Variants in EPHA1 observed in about 807,000 individuals in gnomAD.
EPHA1 encodes ephrin type-A receptor 1.
EPHA1 carries 92 observed loss-of-function variants against 110.1 expected under a neutral mutation model. The ratio of observed to expected loss-of-function variants is 0.84; its 90% CI spans 0.71 to 0.99. The LOEUF (loss-of-function observed/expected upper bound fraction) is 0.99. Ranked by LOEUF, EPHA1 falls within the 50% of genes least tolerant of loss-of-function variation. EPHA1 has a pLI of 0.00. For missense variants in EPHA1, 1,204 were observed against 1,285.4 expected, an observed-to-expected ratio of 0.94 and a Z score of 0.97; for synonymous variants, 500 against 516.1, an observed-to-expected ratio of 0.97 and a Z score of 0.42.
rs1172270169 is a variant in EPHA1, at chr7:143,400,145, CA to C, written c.433-93del. 3.6e-6 allele frequency: 5 copies of C among 1,403,082 alleles called. No individual in the cohort carries two copies. In the African/African-American group the frequency reaches 4.3e-5, roughly 12 times the overall value. 86.9% of individuals were successfully genotyped at this position (1,403,082 alleles called of 1,614,324 possible). On this transcript the variant is annotated intron_variant, in intron 3 of 17. Transcript: ENST00000275815. ...ACAATCGTTTGCTTAATACTTTCCA[CA>C]ACCATGAACACTGAGCCTTGTATGT...
rs764574963 is a variant in EPHA1 at position 143,395,158 on chromosome 7, T to C, written c.2108A>G (p.Glu703Gly). 1.9e-6 allele frequency: 3 copies of C among 1,613,828 alleles called. No individual in the cohort carries two copies. Among genetic ancestry groups the C allele is most frequent in the Non-Finnish European group, 2.5e-6 (3 of 1,180,012 alleles). ...TKRKPIMIIT[E>G]FMENGALDAF... is the part of the protein sequence containing the mutation. ...ATCCAGGGCTCCATTCTCCATAAAT[T>C]CTGTGATGATCATGATCGGCTTTCC... is the stretch of plus-strand genomic sequence containing the variant. The change falls in exon 13 of 18, where the codon GAA becomes GGA. Residue 703 changes from glutamate to glycine, a missense_variant. Transcript: ENST00000275815. This position sits in a 1 kb window ranked among gnomAD's most constrained non-coding sequence, Gnocchi z 4.7.
At chr7:143,406,416 C>CAGCT (rs1805550282) in intron 2 of EPHA1, among the ~76,000 whole-genome samples, 1 of 152,228 alleles carries the variant, frequency 6.6e-6, no homozygotes, top group Non-Finnish European at 1.5e-5. Flanking sequence ...TTGCCCCATG[C>CAGCT]AGCTATTCCA....
intron 4 of EPHA1, 25 bp downstream of exon 4, chr7:143,399,626 A>T (rs774354507): frequency 6.2e-7 from 1 of 1,611,274 alleles, no homozygotes; most frequent in Non-Finnish European, 8.5e-7. Context: ...GTGGTTCCTC[A>T]GGTTCTCACC....
chr7:143,393,639 T>C lies in EPHA1; in HGVS notation c.2696+32A>G. 1 of 1,607,788 alleles carries C rather than the reference T, an allele frequency of 6.2e-7. No homozygotes were observed. The highest frequency in any genetic ancestry group is 1.1e-5 in the South Asian group (1 of 90,404). ...ATTTCCACTCTCCTAGCGCTGCCTCTGGGTTCCCTAGTCCTTCCCCTGCAT... is the reference window on the plus strand; with the variant it reads ...ATTTCCACTCTCCTAGCGCTGCCTCCGGGTTCCCTAGTCCTTCCCCTGCAT... On this transcript the variant is annotated intron_variant, in intron 16 of 17. Transcript: ENST00000275815. The surrounding 1 kb of genome is among the most constrained non-coding windows in gnomAD (Gnocchi z 5.6).
In EPHA1 at chr7:143,401,890, C is replaced by T. The variant is rs562987557; in HGVS notation, c.151-285G>A. ...TTTCATCAGCAGAACAGCCAGGTACCCCCAAGGCAAAGCTCATTTACAAAA... is the reference window on the plus strand; with the variant it reads ...TTTCATCAGCAGAACAGCCAGGTACTCCCAAGGCAAAGCTCATTTACAAAA... On this transcript the variant is annotated intron_variant, in intron 2 of 17. Transcript: ENST00000275815. The surrounding 1 kb of genome is among the most constrained non-coding windows in gnomAD (Gnocchi z 4.1). 6.6e-6 allele frequency among the ~76,000 whole-genome samples: 1 copy of T among 152,240 alleles called. No homozygotes were observed. The highest frequency in any genetic ancestry group is 2.4e-5 in the African/African-American group (1 of 41,542).
rs531952263 is a variant in EPHA1 at position 143,392,243 on chromosome 7, T to C, written c.2697-468A>G. Among the ~76,000 whole-genome samples the C allele has an allele frequency of 2.6e-5, 4 of 152,310 alleles. No individual in the cohort carries two copies. In the South Asian group the frequency reaches 6.2e-4, roughly 24 times the overall value. On this transcript the variant is annotated intron_variant, in intron 16 of 17. Coordinates refer to ENST00000275815, the MANE Select transcript of EPHA1 (RefSeq NM_005232.5). ...CCACCTTCAGCTTCGGCTGTTATTC[T>C]TGCACTCTGACACCCACAATACAAT...
In EPHA1 at chr7:143,397,538, G is replaced by T. The variant is rs202068423; in HGVS notation, c.1712+23C>A. The T allele has an allele frequency of 2.1e-3, 3,341 of 1,601,208 alleles. 10 individuals carry two copies. Among genetic ancestry groups the T allele is most frequent in the South Asian group, 7.2e-3 (656 of 90,590 alleles). On this transcript the variant is annotated intron_variant, in intron 9 of 17. Transcript: ENST00000275815. ...GGCTTCTGACCCAGGGCTGGTGGTT[G>T]GGGAGGGGGCAGGAGCTGGCACCTG...
At position 143,391,679 on chromosome 7, in the gene EPHA1, G is replaced by A. The variant is rs778021323; in HGVS notation, c.2793C>T (p.Ile931=). 1.2e-6 allele frequency: 2 copies of A among 1,614,092 alleles called. No individual in the cohort carries two copies. Among genetic ancestry groups the A allele is most frequent in the Non-Finnish European group, 1.7e-6 (2 of 1,180,036 alleles). Residue 931 remains isoleucine, a synonymous_variant, in exon 17 of 18, where the codon ATC becomes ATT. Transcript: ENST00000275815. ...WLESIRMKRY[I]LHFHSAGLDT... ...CCAGCCCAGCCGAGTGGAAGTGCAG[G>A]ATGTAGCGTTTCATGCGTATGGACT... is the stretch of plus-strand genomic sequence containing the variant.
In EPHA1 at chr7:143,393,767, C is replaced by G. The variant is rs766464624; in HGVS notation, c.2600G>C (p.Arg867Pro). 4 of 1,613,162 alleles carry G rather than the reference C, an allele frequency of 2.5e-6. No homozygotes were observed. Among genetic ancestry groups the G allele is most frequent in the Non-Finnish European group, 8.5e-7 (1 of 1,179,608 alleles). ...CTTCTGGAAGTGTGGCCGGCGGGCA[C>G]GGTCATATGCCCAGCAGTTCTTCAT... is the stretch of plus-strand genomic sequence containing the variant. ...ELMKNCWAYD[R>P]ARRPHFQKLQ... Residue 867 changes from arginine to proline, a missense_variant, in exon 16 of 18, where the codon CGT becomes CCT. Coordinates refer to ENST00000275815, the MANE Select transcript of EPHA1 (RefSeq NM_005232.5). The surrounding 1 kb of genome is among the most constrained non-coding windows in gnomAD (Gnocchi z 5.6).
rs1002622883 is a variant in EPHA1, at chr7:143,391,867, G to A, written c.2697-92C>T. ...GCATCAGCAGCCAGCACTGAAGTTC[G>A]GTGTCTGGGCACAGAGATCATCTAG... On this transcript the variant is annotated intron_variant, in intron 16 of 17. Coordinates refer to ENST00000275815, the MANE Select transcript of EPHA1 (RefSeq NM_005232.5). 60 of 1,546,404 alleles carry A rather than the reference G, an allele frequency of 3.9e-5. No homozygotes were observed. The Middle Eastern group carries it at 5.2e-4, about 13-fold the overall frequency.
chr7:143,396,307 T>C, intron 11 of EPHA1, 78 bp downstream of exon 11: 2 of 1,541,222 alleles, frequency 1.3e-6, no homozygotes, highest in Non-Finnish European at 1.7e-6. Flanking sequence ...AGGGAAGCGC[T>C]GGAAGGAAGG....
chr7:143,391,578 C>G (rs758736149), intron 17 of EPHA1, 42 bp downstream of exon 17: 1 of 1,614,002 alleles, frequency 6.2e-7, no homozygotes, highest in African/African-American at 1.3e-5. Context: ...GGAGGCTCCA[C>G]CCCCGCAGCC....
In EPHA1 at chr7:143,391,733, G is replaced by T; in HGVS notation, c.2739C>A (p.Ile913=). Residue 913 remains isoleucine, a synonymous_variant, in exon 17 of 18, where the codon ATC becomes ATA. Transcript: ENST00000275815. ...GCCACTCAGAGACGGTTCGATATGG[G>T]ATCCCATCTGAGCCACTCAGGCTGG... ...RLPSLSGSDG[I]PYRTVSEWLE... is the part of the protein sequence containing the mutation. The T allele has an allele frequency of 6.2e-7, 1 of 1,613,898 alleles. No individual in the cohort carries two copies. Among genetic ancestry groups the T allele is most frequent in the Non-Finnish European group, 8.5e-7 (1 of 1,180,006 alleles).
At chr7:143,399,546 C>A in intron 4 of EPHA1, 105 bp downstream of exon 4, 1 of 1,564,674 alleles carries the variant, frequency 6.4e-7, no homozygotes, top group Non-Finnish European at 8.7e-7. Context: ...CTGGGACACT[C>A]AGGTTAAAAA....
At chr7:143,398,514 A>G (rs1276663976) in intron 6 of EPHA1, 66 bp from the exon 7 acceptor site, 91 of 1,609,750 alleles carry the variant, frequency 5.7e-5, no homozygotes, top group East Asian at 1.3e-4. Flanking sequence ...TAACTTTTCT[A>G]TGGCTTCCTG....
Position 143,399,328 on chromosome 7 carries a change from C to T in EPHA1, c.921G>A (p.Gly307=). Residue 307 remains glycine, a synonymous_variant, in exon 5 of 18, where the codon GGG becomes GGA. Transcript: ENST00000275815. ...CGCTCTCACAGGTACAGATGGTGGC[C>T]CCCTCAGACTCAGCAGTGCTCTGCT... is the stretch of plus-strand genomic sequence containing the variant. ...CPQQSTAESE[G]ATICTCESGH... is the part of the protein sequence containing the mutation. 6.2e-7 allele frequency: 1 copy of T among 1,612,608 alleles called. No homozygotes were observed. The highest frequency in any genetic ancestry group is 8.5e-7 in the Non-Finnish European group (1 of 1,179,858).
In EPHA1 at chr7:143,394,960, C is replaced by T. The variant is rs1367983073; in HGVS notation, c.2200G>A (p.Ala734Thr). 1 of 1,614,032 alleles carries T rather than the reference C, an allele frequency of 6.2e-7. No individual in the cohort carries two copies. The highest frequency in any genetic ancestry group is 8.5e-7 in the Non-Finnish European group (1 of 1,180,030). The change falls in exon 14 of 18, where the codon GCA (alanine) becomes ACA (threonine). Residue 734 changes from alanine (A) to threonine (T), a missense_variant. Coordinates refer to ENST00000275815, the MANE Select transcript of EPHA1 (RefSeq NM_005232.5). ...TTACTGAGGTAGTTCATGCCAGATG[C>T]TATGCCCTGCAGCATGGCCACTAGC... ...GQLVAMLQGI[A>T]SGMNYLSNHN...
At chr7:143,405,886 G>A (rs1451984199) in intron 2 of EPHA1, among the ~76,000 whole-genome samples, 2 of 152,176 alleles carry the variant, frequency 1.3e-5, no homozygotes, top group Non-Finnish European at 2.9e-5. Context: ...GGGCTGGATT[G>A]AAGTCTCAAG....
rs1393263166 is a variant in EPHA1 at position 143,398,077 on chromosome 7, G to A, written c.1465-7C>T. On this transcript the variant is annotated splice_polypyrimidine_tract_variant and splice_region_variant and intron_variant, in intron 7 of 17. Coordinates refer to ENST00000275815, the MANE Select transcript of EPHA1 (RefSeq NM_005232.5). ...TCTGGTACCGTTCTTCATCCTGTGG[G>A]TTGGAGTTGCATTAAGTGGGCAGTG... 6.2e-7 allele frequency: 1 copy of A among 1,613,836 alleles called. No individual in the cohort carries two copies. The highest frequency in any genetic ancestry group is 8.5e-7 in the Non-Finnish European group (1 of 1,179,778).
Sources: allele counts gnomAD v4.1 joint callset (sites outside exome capture counted in the v4.1 genomes callset), GRCh38; gene constraint gnomAD v4.1.1; non-coding constraint Gnocchi (gnomAD v3.1); transcripts MANE v1.5; gene names NCBI Gene and HGNC (gene_info 2026-07-23, HGNC 2026-07-21).